The following BORCS5 variants were observed in gnomAD, a reference collection of about 807,000 sequenced individuals.
BORCS5 encodes the protein BLOC-1 related complex subunit 5, also known as BLOC-1-related complex subunit 5.
In BORCS5, 17 loss-of-function variants were observed where a neutral mutation model predicts 22.1. That is an observed-to-expected ratio of 0.77 (90% CI 0.53 to 1.15). The LOEUF is 1.15. Ranked by LOEUF, BORCS5 falls within the 50% of genes most tolerant of loss-of-function variation. The pLI is 0.00. For synonymous variants in BORCS5, 117 were observed against 99.8 expected (o/e 1.17, Z -1.03); for missense variants, 247 against 253.2 (o/e 0.98, Z 0.17).
intron 2 of BORCS5, among the ~76,000 whole-genome samples, chr12:12,400,741 C>T (rs147393485): frequency 6.6e-6 from 1 of 152,116 alleles, no homozygotes; most frequent in Admixed American, 6.6e-5. Flanking sequence ...TATATCCTTC[C>T]CTGATATTCC....
chr12:12,363,698 C>G (rs541203231), intron 2 of BORCS5, among the ~76,000 whole-genome samples: 146 of 151,932 alleles, frequency 9.6e-4, no homozygotes, highest in African/African-American at 3.4e-3. Flanking sequence ...GATTGTGCCA[C>G]TGCACTCCAG....
In BORCS5 at chr12:12,361,357, A is replaced by ATT. The variant is rs758235440; in HGVS notation, c.202+9_202+10dup. ...TCCAGCCCCTTTTGAAAGGTAAAGG[A>ATT]TTGCGTTTTGTTTTATCTGAACTTG... On this transcript the variant is annotated intron_variant, in intron 2 of 3. Transcript: ENST00000314565. The ATT allele has an allele frequency of 8.2e-5, 132 of 1,612,294 alleles. 2 individuals carry two copies. In the South Asian group the frequency reaches 1.4e-3, roughly 18 times the overall value.
At chr12:12,419,364 G>A (rs202097174) in intron 2 of BORCS5, among the ~76,000 whole-genome samples, 2 of 152,126 alleles carry the variant, frequency 1.3e-5, no homozygotes, top group Non-Finnish European at 2.9e-5. Context: ...TCCCTGCAAA[G>A]GACATGAACT....
At chr12:12,393,096 C>T (rs954792044) in intron 2 of BORCS5, among the ~76,000 whole-genome samples, 1 of 151,952 alleles carries the variant, frequency 6.6e-6, no homozygotes, top group African/African-American at 2.4e-5. Flanking sequence ...ATTAGACCAG[C>T]ACAGTGGTGC....
chr12:12,357,410 C>T lies in BORCS5; in HGVS notation c.-42C>T, dbSNP rs780715308. On this transcript the variant is annotated 5_prime_UTR_variant, in exon 1 of 4. Transcript: ENST00000314565. ...TGTCGCCCGCCGCCGGAGCGGTGAC[C>T]GCCCGGCCCGCCGTTCTTCTGCTGC... is the stretch of plus-strand genomic sequence containing the variant. 7 of 1,592,404 alleles carry T rather than the reference C, an allele frequency of 4.4e-6. No individual in the cohort carries two copies. In the South Asian group the frequency reaches 7.8e-5, roughly 18 times the overall value.
intron 3 of BORCS5, among the ~76,000 whole-genome samples, chr12:12,455,593 A>G (rs1352064958): frequency 1.3e-5 from 2 of 152,184 alleles, no homozygotes; most frequent in Non-Finnish European, 2.9e-5. Flanking sequence ...CACCTGGCCT[A>G]CATGGTGAAA....
At chr12:12,460,696 A>G (rs1451024318) in intron 3 of BORCS5, among the ~76,000 whole-genome samples, 1 of 152,166 alleles carries the variant, frequency 6.6e-6, no homozygotes, top group East Asian at 1.9e-4. Context: ...TAATAAATGC[A>G]TGTTCAGTTT....
chr12:12,461,803 A>C (rs1372773155), intron 3 of BORCS5, among the ~76,000 whole-genome samples: 2 of 152,212 alleles, frequency 1.3e-5, no homozygotes, highest in African/African-American at 4.8e-5. Flanking sequence ...AGACTTCTGC[A>C]TGCACACACC....
In BORCS5 at chr12:12,470,314, C is replaced by A. The variant is rs573754232; in HGVS notation, c.*4538C>A. ...CAAACTCCTGACCTCGTGATCTGCC[C>A]GACTTGGCCTCCCAAAGTACTGGGA... On this transcript the variant is annotated 3_prime_UTR_variant, in exon 4 of 4. Transcript: ENST00000314565. Among the ~76,000 whole-genome samples the A allele has an allele frequency of 5.3e-5, 8 of 152,088 alleles. No homozygotes were observed. The highest frequency in any genetic ancestry group is 1.2e-4 in the Non-Finnish European group (8 of 68,016).
intron 3 of BORCS5, among the ~76,000 whole-genome samples, chr12:12,463,218 G>A (rs1943143922): frequency 6.6e-6 from 1 of 152,110 alleles, no homozygotes; most frequent in Non-Finnish European, 1.5e-5. Context: ...GTAAAGGTAG[G>A]GATTATGGAT....
chr12:12,453,043 C>T (rs1470099142), intron 3 of BORCS5, among the ~76,000 whole-genome samples: 1 of 151,822 alleles, frequency 6.6e-6, no homozygotes, highest in Non-Finnish European at 1.5e-5. Context: ...TCGGGATAGC[C>T]GATGTATAAA....
At chr12:12,391,768 A>G (rs1217196735) in intron 2 of BORCS5, among the ~76,000 whole-genome samples, 1 of 148,166 alleles carries the variant, frequency 6.7e-6, no homozygotes, top group Non-Finnish European at 1.5e-5. Context: ...GCAGTGGCTC[A>G]TGCCTGTAAT....
At chr12:12,390,299 T>C (rs11054874) in intron 2 of BORCS5, among the ~76,000 whole-genome samples, 41,016 of 152,042 alleles carry the variant, frequency 0.27, 6,607 homozygotes, top group Non-Finnish European at 0.35. Flanking sequence ...AAGGCAAGTT[T>C]GTCTTAGACC....
intron 3 of BORCS5, among the ~76,000 whole-genome samples, chr12:12,461,309 C>G (rs1002575065): frequency 6.6e-6 from 1 of 151,924 alleles, no homozygotes; most frequent in African/African-American, 2.4e-5. Flanking sequence ...GGTGGGACTA[C>G]AGGTGTGTTC....
chr12:12,438,382 G>C (rs12826542), intron 3 of BORCS5, among the ~76,000 whole-genome samples: 1 of 106,986 alleles, frequency 9.3e-6, no homozygotes, highest in East Asian at 2.4e-4. Flanking sequence ...AAAAAAAAAC[G>C]AAAAACAACA....
At chr12:12,405,931 G>T (rs1941585571) in intron 2 of BORCS5, among the ~76,000 whole-genome samples, 1 of 152,222 alleles carries the variant, frequency 6.6e-6, no homozygotes, top group Non-Finnish European at 1.5e-5. Flanking sequence ...ATCGTGTTTT[G>T]GGCTACCTAG....
chr12:12,438,374 A>AAAACAAAAAAC (rs376358464), intron 3 of BORCS5, among the ~76,000 whole-genome samples: 25,249 of 124,766 alleles, frequency 0.2, 3,559 homozygotes, highest in Non-Finnish European at 0.26. Flanking sequence ...AAAAAAAAAA[A>AAAACAAAAAAC]AAAAAACGAA....
chr12:12,437,966 C>T (rs956808310), intron 3 of BORCS5, among the ~76,000 whole-genome samples: 1 of 151,982 alleles, frequency 6.6e-6, no homozygotes, highest in Non-Finnish European at 1.5e-5. Context: ...TCAGCTCAAG[C>T]GATCCTCCCG....
intron 3 of BORCS5, among the ~76,000 whole-genome samples, chr12:12,458,294 T>TCTGGG (rs1398461555): frequency 2.6e-5 from 4 of 152,200 alleles, no homozygotes; most frequent in Non-Finnish European, 4.4e-5. Context: ...GACTTTTCCC[T>TCTGGG]GAGCCTCTAA....
Sources: allele counts gnomAD v4.1 joint callset (sites outside exome capture counted in the v4.1 genomes callset), GRCh38; gene constraint gnomAD v4.1.1; transcripts MANE v1.5; gene names NCBI Gene and HGNC (gene_info 2026-07-23, HGNC 2026-07-21).